The following DMXL1 variants were observed in gnomAD, a reference collection of about 807,000 sequenced individuals.
DMXL1 encodes Dmx like 1.
In DMXL1, 99 loss-of-function variants were observed where a neutral mutation model predicts 319.2. The observed-to-expected ratio is 0.31, with a 90% confidence interval of 0.26 to 0.37. DMXL1 has a LOEUF of 0.37. Ranked by LOEUF, DMXL1 falls within the 10% of genes least tolerant of loss-of-function variation. DMXL1 has a pLI of 1.00. For synonymous variants in DMXL1, 1,385 were observed against 1,235.2 expected (o/e 1.12, Z -2.54); for missense variants, 3,745 against 3,595.6 (o/e 1.04, Z -1.06).
intron 34 of DMXL1, among the ~76,000 whole-genome samples, chr5:119,210,559 T>C (rs951002097): frequency 7.9e-5 from 12 of 152,142 alleles, no homozygotes; most frequent in Non-Finnish European, 2.9e-5. Flanking sequence ...TTCACTAAAC[T>C]ACCTCTTTCA....
At chr5:119,082,173 G>A (rs1265032396) in intron 1 of DMXL1, among the ~76,000 whole-genome samples, 3 of 151,862 alleles carry the variant, frequency 2.0e-5, no homozygotes, top group Admixed American at 6.6e-5. Flanking sequence ...GTGTAGTGGC[G>A]CAGTCGTAAC....
At chr5:119,089,104 C>T (rs532445126) in intron 1 of DMXL1, among the ~76,000 whole-genome samples, 2 of 151,000 alleles carry the variant, frequency 1.3e-5, no homozygotes, top group African/African-American at 2.4e-5. Flanking sequence ...TACTTTATCT[C>T]TCCTTCATAT....
chr5:119,241,267 C>T (rs970098578), intron 42 of DMXL1, among the ~76,000 whole-genome samples: 1 of 152,120 alleles, frequency 6.6e-6, no homozygotes, highest in Admixed American at 6.5e-5. Context: ...CGCAGTGGCT[C>T]ATGCCTGTAA....
At chr5:119,218,645 C>T (rs766878915) in intron 35 of DMXL1, among the ~76,000 whole-genome samples, 3 of 151,930 alleles carry the variant, frequency 2.0e-5, no homozygotes, top group African/African-American at 4.8e-5. Context: ...TTAGTAGAGA[C>T]GGCGTTTCAC....
chr5:119,230,515 A>ACT (rs1171774727), intron 38 of DMXL1, among the ~76,000 whole-genome samples: 1 of 152,256 alleles, frequency 6.6e-6, no homozygotes, highest in Admixed American at 6.5e-5. Flanking sequence ...TACAGGCAGA[A>ACT]GCAGATTCTA....
At chr5:119,132,633 C>T (rs1005168338) in intron 10 of DMXL1, 2 of 370,534 alleles carry the variant, frequency 5.4e-6, no homozygotes, top group South Asian at 2.1e-5. Context: ...GCTGAGATCA[C>T]GCCACTGTAC....
At chr5:119,104,251 T>C (rs180704131) in intron 3 of DMXL1, 6 of 152,354 alleles carry the variant, frequency 3.9e-5, no homozygotes, top group Non-Finnish European at 7.3e-5. Context: ...TATGCACTTA[T>C]ATGTCTTGTT....
chr5:119,108,617 AC>A (rs1163321570), intron 4 of DMXL1, among the ~76,000 whole-genome samples: 1 of 151,898 alleles, frequency 6.6e-6, no homozygotes, highest in Admixed American at 6.6e-5. Context: ...GCAGGGTTTC[AC>A]TATGTTGCCC....
intron 35 of DMXL1, among the ~76,000 whole-genome samples, chr5:119,218,113 A>G (rs1274264402): frequency 6.6e-6 from 1 of 152,082 alleles, no homozygotes; most frequent in African/African-American, 2.4e-5. Flanking sequence ...GTGGTTGCTC[A>G]CACCTGTCAT....
intron 1 of DMXL1, among the ~76,000 whole-genome samples, chr5:119,090,559 G>GT (rs200712247): frequency 0.024 from 2,831 of 118,418 alleles, 99 homozygotes; most frequent in African/African-American, 0.073. Flanking sequence ...TTTCTCCTCT[G>GT]TTTTTTTTTT....
At chr5:119,167,497 G>T (rs1283096533) in intron 22 of DMXL1, 106 bp from the exon 23 acceptor site, 9 of 910,708 alleles carry the variant, frequency 9.9e-6, no homozygotes, top group Non-Finnish European at 1.5e-5. Context: ...GCTAATTTTG[G>T]ATATTTATAA....
At chr5:119,206,616 T>A (rs1781791505) in intron 33 of DMXL1, 1 of 336,470 alleles carries the variant, frequency 3.0e-6, no homozygotes, top group Non-Finnish European at 5.4e-6. Flanking sequence ...ATAGTGGTAG[T>A]TAATGAGTTC....
chr5:119,097,954 C>T, intron 1 of DMXL1, 25 bp from the exon 2 acceptor site: 1 of 1,564,388 alleles, frequency 6.4e-7, no homozygotes, highest in Non-Finnish European at 8.7e-7. Context: ...ACACTTTTAT[C>T]ATTTTTATTT....
chr5:119,106,307 G>A (rs1305141280), intron 4 of DMXL1, among the ~76,000 whole-genome samples: 1 of 152,134 alleles, frequency 6.6e-6, no homozygotes, highest in Non-Finnish European at 1.5e-5. Flanking sequence ...TATGGTCACA[G>A]GTCCAGCTAA....
chr5:119,145,264 C>A lies in DMXL1; in HGVS notation c.2569+626C>A, dbSNP rs181994852. 3.3e-5 allele frequency among the ~76,000 whole-genome samples: 5 copies of A among 151,760 alleles called. No individual in the cohort carries two copies. The South Asian group carries it at 1.0e-3, about 31-fold the overall frequency. On this transcript the variant is annotated intron_variant, in intron 15 of 43. Transcript: ENST00000539542. ...AAGATTCATATGTTAAATATCTTCT[C>A]CATTTGTTCAGACTTTTTTCTTCTC...
intron 19 of DMXL1, among the ~76,000 whole-genome samples, chr5:119,162,764 T>C (rs549028341): frequency 6.6e-6 from 1 of 152,358 alleles, no homozygotes; most frequent in African/African-American, 2.4e-5. Context: ...TGAAAATGTA[T>C]TGAAGTTGCT....
chr5:119,217,372 C>G (rs932407054), intron 35 of DMXL1, among the ~76,000 whole-genome samples: 2 of 152,110 alleles, frequency 1.3e-5, no homozygotes, highest in African/African-American at 4.8e-5. Context: ...CAAATTCTCC[C>G]TCTTTGATTT....
intron 39 of DMXL1, 134 bp downstream of exon 39, chr5:119,233,601 C>A: frequency 1.6e-6 from 1 of 606,254 alleles, no homozygotes; most frequent in Non-Finnish European, 2.7e-6. Context: ...CTTTTAAATT[C>A]TTCTCAAAGA....
At chr5:119,131,896 T>C (rs1764979037) in intron 10 of DMXL1, among the ~76,000 whole-genome samples, 1 of 152,242 alleles carries the variant, frequency 6.6e-6, no homozygotes, top group South Asian at 2.1e-4. Flanking sequence ...TGTGTGTGTT[T>C]GTACTAATTG....
Sources: gnomAD v4.1 joint callset for allele counts (sites outside exome capture counted in the v4.1 genomes callset) on GRCh38, gnomAD v4.1.1 for gene constraint, MANE v1.5 for transcripts, NCBI Gene and HGNC (gene_info 2026-07-23, HGNC 2026-07-21) for gene names.